The following CACNA1B variants were observed in gnomAD, a reference collection of about 807,000 sequenced individuals.
CACNA1B encodes voltage-dependent N-type calcium channel subunit alpha-1B.
Under a neutral mutation model 247.2 loss-of-function variants are expected in CACNA1B, and 70 were observed. That is an observed-to-expected ratio of 0.28 (90% CI 0.23 to 0.35). The LOEUF (loss-of-function observed/expected upper bound fraction) is 0.35. Ranked by LOEUF, CACNA1B falls within the 10% of genes least tolerant of loss-of-function variation. The pLI, the probability that CACNA1B is intolerant of heterozygous loss-of-function variation, is 1.00. For synonymous variants in CACNA1B, 1,231 were observed against 1,294.4 expected, an observed-to-expected ratio of 0.95 and a Z score of 1.05; for missense variants, 2,367 against 3,197.4, an observed-to-expected ratio of 0.74 and a Z score of 6.26.
At chr9:137,902,329 C>T (rs1957249310) in intron 3 of CACNA1B, among the ~76,000 whole-genome samples, 1 of 152,160 alleles carries the variant, frequency 6.6e-6, no homozygotes, top group Non-Finnish European at 1.5e-5. Context: ...TGAGAGGTCC[C>T]ACTGGCTCCT....
rs529736535 is a variant in CACNA1B, at chr9:137,881,231, G to C, written c.391-1513G>C. Among the ~76,000 whole-genome samples the C allele has an allele frequency of 1.3e-3, 194 of 152,268 alleles. 1 individual carries two copies. The highest frequency in any genetic ancestry group is 2.5e-3 in the Non-Finnish European group (168 of 68,004). On this transcript the variant is annotated intron_variant, in intron 2 of 46. Coordinates refer to ENST00000371372, the MANE Select transcript of CACNA1B (RefSeq NM_000718.4). The surrounding 1 kb of genome is among the most constrained non-coding windows in gnomAD (Gnocchi z 4.3). ...CCTCCTAAACAAATCAGACCAGAAGGCTCGAGGCCAGGAAGAGCATGGGCG... is the reference window on the plus strand; with the variant it reads ...CCTCCTAAACAAATCAGACCAGAAGCCTCGAGGCCAGGAAGAGCATGGGCG...
At chr9:137,960,552 G>C (rs1192253794) in intron 10 of CACNA1B, among the ~76,000 whole-genome samples, 1 of 149,302 alleles carries the variant, frequency 6.7e-6, no homozygotes, top group Non-Finnish European at 1.5e-5. Context: ...GGAGGTCAGG[G>C]GAGAGGTGAG....
At position 138,057,819 on chromosome 9, in the gene CACNA1B, C is replaced by T; in HGVS notation, c.4056C>T (p.Leu1352=). The T allele has an allele frequency of 1.2e-6, 2 of 1,612,336 alleles. No individual in the cohort carries two copies. The highest frequency in any genetic ancestry group is 4.5e-5 in the East Asian group (2 of 44,824). The change falls in exon 27 of 47, where the codon CTC becomes CTT. Residue 1352 remains leucine (L), a synonymous_variant. Transcript: ENST00000371372. The surrounding 1 kb of genome is among the most constrained non-coding windows in gnomAD (Gnocchi z 4.0). ...KKYDFHYDNV[L]WALLTLFTVS... Reference sequence around the variant, plus strand: ...ACGACTTTCACTACGACAATGTGCTCTGGGCTCTGCTGACGCTGTTCACAG... The same window carrying T: ...ACGACTTTCACTACGACAATGTGCTTTGGGCTCTGCTGACGCTGTTCACAG...
At chr9:137,960,264 C>CG (rs1564208787) in intron 10 of CACNA1B, among the ~76,000 whole-genome samples, 2 of 5,044 alleles carry the variant, frequency 4.0e-4, no homozygotes, top group Non-Finnish European at 4.9e-4. Flanking sequence ...GAGGGACACC[C>CG]GGAGAGAAGG....
At chr9:138,078,418 TAGCC>T (rs951700899) in intron 36 of CACNA1B, among the ~76,000 whole-genome samples, 160 bp downstream of exon 36, 9 of 152,236 alleles carry the variant, frequency 5.9e-5, no homozygotes, top group Non-Finnish European at 1.2e-4. Context: ...GCGACTTTGT[TAGCC>T]AGAGAAAGGG....
rs1027920026 is a variant in CACNA1B, at chr9:137,881,227, G to C, written c.391-1517G>C. On this transcript the variant is annotated intron_variant, in intron 2 of 46. Transcript: ENST00000371372. This position sits in a 1 kb window ranked among gnomAD's most constrained non-coding sequence, Gnocchi z 4.3. Reference sequence around the variant, plus strand: ...GGTCCCTCCTAAACAAATCAGACCAGAAGGCTCGAGGCCAGGAAGAGCATG... The same window carrying C: ...GGTCCCTCCTAAACAAATCAGACCACAAGGCTCGAGGCCAGGAAGAGCATG... Among the ~76,000 whole-genome samples, 3 of 152,206 alleles carry C rather than the reference G, an allele frequency of 2.0e-5. No individual in the cohort carries two copies. The highest frequency in any genetic ancestry group is 6.5e-5 in the Admixed American group (1 of 15,284).
intron 20 of CACNA1B, among the ~76,000 whole-genome samples, chr9:138,041,453 A>G (rs895897825): frequency 3.9e-5 from 6 of 151,998 alleles, no homozygotes; most frequent in African/African-American, 1.5e-4. Flanking sequence ...TATTTCAGGG[A>G]TTTAATTTTT....
chr9:138,027,656 A>T (rs1958938071), intron 20 of CACNA1B, among the ~76,000 whole-genome samples: 1 of 152,116 alleles, frequency 6.6e-6, no homozygotes, highest in African/African-American at 2.4e-5. Context: ...TTTTATCTGG[A>T]ATAGATGTTG....
At chr9:138,089,320 G>C (rs1280699593) in intron 36 of CACNA1B, among the ~76,000 whole-genome samples, 1 of 152,156 alleles carries the variant, frequency 6.6e-6, no homozygotes, top group Admixed American at 6.5e-5. Flanking sequence ...TTAATTCACT[G>C]TGATCAAATG....
chr9:138,075,970 A>G, intron 35 of CACNA1B, 60 bp downstream of exon 35: 1 of 1,097,610 alleles, frequency 9.1e-7, no homozygotes, highest in South Asian at 1.3e-5. Context: ...TGCTTTACTC[A>G]GGATGAAGAA....
At chr9:138,000,320 G>T (rs558894014) in intron 15 of CACNA1B, among the ~76,000 whole-genome samples, 5 of 151,982 alleles carry the variant, frequency 3.3e-5, no homozygotes, top group South Asian at 2.1e-4. Flanking sequence ...GGATGGTCTC[G>T]ATCTCCTGAC....
At chr9:138,005,319 G>A (rs1958633474) in intron 15 of CACNA1B, among the ~76,000 whole-genome samples, 1 of 152,236 alleles carries the variant, frequency 6.6e-6, no homozygotes, top group Admixed American at 6.5e-5. Flanking sequence ...GCAGCAACAT[G>A]GATGGAAGTG....
Position 137,888,858 on chromosome 9 carries a change from C to T in CACNA1B, c.530+5975C>T, listed in dbSNP as rs1287451692. ...TCTCAGGGAGAAGCCAGGCCCAGCT[C>T]AGGGCCCCACAGAGGGTCCCCATGG... On this transcript the variant is annotated intron_variant, in intron 3 of 46. Transcript: ENST00000371372. The surrounding 1 kb of genome is among the most constrained non-coding windows in gnomAD (Gnocchi z 4.7). 1.3e-5 allele frequency among the ~76,000 whole-genome samples: 2 copies of T among 152,178 alleles called. No homozygotes were observed. The highest frequency in any genetic ancestry group is 4.8e-5 in the African/African-American group (2 of 41,468).
chr9:137,976,198 C>T (rs1010896067), intron 12 of CACNA1B, among the ~76,000 whole-genome samples, 179 bp downstream of exon 12: 1 of 152,238 alleles, frequency 6.6e-6, no homozygotes, highest in Non-Finnish European at 1.5e-5. Flanking sequence ...CCTGGCGGGG[C>T]CTGACTGATG....
rs769974470 is a variant in CACNA1B at position 138,121,990 on chromosome 9, C to T, written c.7011C>T (p.His2337=). 2 of 1,598,018 alleles carry T rather than the reference C, an allele frequency of 1.3e-6. No homozygotes were observed. The highest frequency in any genetic ancestry group is 2.2e-5 in the East Asian group (1 of 44,806). The change falls in exon 47 of 47, where the codon CAC becomes CAT. Residue 2337 remains histidine (H), a synonymous_variant. Transcript: ENST00000371372. This position sits in a 1 kb window ranked among gnomAD's most constrained non-coding sequence, Gnocchi z 6.8. ...RHSYHHPDQD[H]WC ...GCTACCACCACCCTGACCAAGACCA[C>T]TGGTGCTAGCTGCACCGTGACCGCT...
At chr9:137,975,659 C>A (rs147413304) in intron 11 of CACNA1B, among the ~76,000 whole-genome samples, 73 of 152,354 alleles carry the variant, frequency 4.8e-4, no homozygotes, top group African/African-American at 1.7e-3. Context: ...TCCTGCTGAG[C>A]CCGTCCTTCT....
chr9:138,069,781 G>C lies in CACNA1B; in HGVS notation c.4674+18G>C, dbSNP rs376516468. 5.6e-6 allele frequency: 9 copies of C among 1,607,966 alleles called. No homozygotes were observed. In the African/African-American group the frequency reaches 1.2e-4, roughly 21 times the overall value. On this transcript the variant is annotated intron_variant, in intron 32 of 46. Coordinates refer to ENST00000371372, the MANE Select transcript of CACNA1B (RefSeq NM_000718.4). ...AGGAAACGGTTGGTTTCACGACTCT[G>C]AACGGTTCTTGCAAGTCCTTGCTTT... is the stretch of plus-strand genomic sequence containing the variant.
chr9:138,045,237 T>G (rs1428760074), intron 21 of CACNA1B, among the ~76,000 whole-genome samples: 1 of 151,994 alleles, frequency 6.6e-6, no homozygotes, highest in Non-Finnish European at 1.5e-5. Flanking sequence ...TGTTCTGTTG[T>G]GGGGTTGGGG....
At chr9:138,028,553 A>G (rs1444996068) in intron 20 of CACNA1B, among the ~76,000 whole-genome samples, 2 of 152,226 alleles carry the variant, frequency 1.3e-5, no homozygotes, top group Non-Finnish European at 2.9e-5. Flanking sequence ...AAACATCCAT[A>G]CGATTCCCAT....
Sources: allele counts gnomAD v4.1 joint callset (sites outside exome capture counted in the v4.1 genomes callset), GRCh38; gene constraint gnomAD v4.1.1; non-coding constraint Gnocchi (gnomAD v3.1); transcripts MANE v1.5; gene names NCBI Gene and HGNC (gene_info 2026-07-23, HGNC 2026-07-21).